SSUH2: variants seen among roughly 807,000 people sequenced by gnomAD.
SSUH2 encodes protein SSUH2 homolog.
A neutral mutation model predicts 55.3 loss-of-function variants in SSUH2; 47 were observed. That is an observed-to-expected ratio of 0.85 (90% CI 0.67 to 1.08). The LOEUF is 1.08. Among genes scored for constraint, SSUH2 ranks in the 50% least tolerant of loss-of-function variants. SSUH2 has a pLI of 0.00. For synonymous variants in SSUH2, 212 were observed against 191.5 expected, an observed-to-expected ratio of 1.11 and a Z score of -0.89; for missense variants, 535 against 490.7, an observed-to-expected ratio of 1.09 and a Z score of -0.85.
Position 8,623,654 on chromosome 3 carries a change from C to T in SSUH2, c.876G>A (p.Val292=). Residue 292 remains valine, a splice_region_variant and synonymous_variant, in exon 11 of 12, where the codon GTG becomes GTA. Transcript: ENST00000544814. ...ENLFKDENSV[V]YPIVDFPLRD... ...GCAGAGGGAAGTCCACGATGGGGTA[C>T]ACCTGGGGGAAAGAGAGAGAGACAC... is the stretch of plus-strand genomic sequence containing the variant. 2 of 1,500,532 alleles carry T rather than the reference C, an allele frequency of 1.3e-6. No individual in the cohort carries two copies. Among genetic ancestry groups the T allele is most frequent in the African/African-American group, 1.4e-5 (1 of 71,964 alleles). 93.0% of individuals were successfully genotyped at this position (1,500,532 alleles called of 1,614,324 possible).
chr3:8,654,218 G>C (rs1702713341), intron 7 of SSUH2, among the ~76,000 whole-genome samples: 1 of 152,124 alleles, frequency 6.6e-6, no homozygotes, highest in Non-Finnish European at 1.5e-5. Flanking sequence ...TCTTAGAAAG[G>C]CACTAATTCC....
chr3:8,680,908 A>G (rs1355948137), intron 1 of SSUH2, among the ~76,000 whole-genome samples: 1 of 152,006 alleles, frequency 6.6e-6, no homozygotes, highest in Non-Finnish European at 1.5e-5. Flanking sequence ...GATATTAATA[A>G]CAATTTGACA....
At chr3:8,679,524 GTA>G (rs1365898279) in intron 2 of SSUH2, among the ~76,000 whole-genome samples, 31 of 145,704 alleles carry the variant, frequency 2.1e-4, no homozygotes, top group African/African-American at 4.6e-4. Flanking sequence ...CTCATCGCAG[GTA>G]GGGGAGGCAC....
Position 8,678,083 on chromosome 3 carries a change from G to A in SSUH2, c.-900-730C>T, listed in dbSNP as rs566488413. Among the ~76,000 whole-genome samples the A allele has an allele frequency of 2.6e-5, 4 of 152,148 alleles. 1 individual carries two copies. Among genetic ancestry groups the A allele is most frequent in the East Asian group, 3.9e-4 (2 of 5,164 alleles). Reference sequence around the variant, plus strand: ...AATTAGAAACAATATCAGTGAGGGCGTGTCCACCTTCTGTCATATTGAAAG... The same window carrying A: ...AATTAGAAACAATATCAGTGAGGGCATGTCCACCTTCTGTCATATTGAAAG... On this transcript the variant is annotated intron_variant, in intron 2 of 18. Coordinates refer to the SSUH2 transcript ENST00000317371.
chr3:8,673,463 T>C (rs1220841665), intron 3 of SSUH2, among the ~76,000 whole-genome samples: 1 of 151,972 alleles, frequency 6.6e-6, no homozygotes, highest in East Asian at 1.9e-4. Context: ...TGGAGAGGCA[T>C]GTTTTTGTGT....
At chr3:8,628,401 C>T (rs1347398338) in intron 7 of SSUH2, among the ~76,000 whole-genome samples, 1 of 152,126 alleles carries the variant, frequency 6.6e-6, no homozygotes, top group Non-Finnish European at 1.5e-5. Context: ...TGTTAATAGG[C>T]CTGAATGAAG....
Position 8,635,775 on chromosome 3 carries a change from C to T in SSUH2, c.111G>A (p.Trp37Ter). Residue 37 changes from tryptophan to a stop codon, truncating the protein, a stop_gained, in exon 2 of 12, where the codon TGG becomes TGA. Transcript: ENST00000544814. LOFTEE classifies it high-confidence loss of function. ...GGAACTTACTGCCCCCTTGAAGAAG[C>T]CAGTCATAGCTGGGCAGTCTCTCCA... is the stretch of plus-strand genomic sequence containing the variant. ...ELLERLPSYD[W>*]LLQGGRGQIF... The T allele has an allele frequency of 6.5e-7, 1 of 1,535,658 alleles. No individual in the cohort carries two copies. Among genetic ancestry groups the T allele is most frequent in the Non-Finnish European group, 8.7e-7 (1 of 1,146,698 alleles).
rs144963698 is a variant in SSUH2 at position 8,672,823 on chromosome 3, C to T, written c.-752-788G>A. ...GAGGAGGAATATCACCAGGTGGATG[C>T]ACACCCACTGCTATCTTGGGAGTAA... is the stretch of plus-strand genomic sequence containing the variant. On this transcript the variant is annotated intron_variant, in intron 3 of 18. Transcript: ENST00000317371. Among the ~76,000 whole-genome samples the T allele has an allele frequency of 1.6e-3, 243 of 152,220 alleles. 3 individuals are homozygous for T. The highest frequency in any genetic ancestry group is 6.8e-3 in the Middle Eastern group (2 of 294).
At chr3:8,666,384 G>A (rs745817075) in intron 5 of SSUH2, among the ~76,000 whole-genome samples, 16 of 152,118 alleles carry the variant, frequency 1.1e-4, no homozygotes, top group Non-Finnish European at 2.2e-4. Context: ...TATCTGCTAA[G>A]TACACCAAGT....
intron 10 of SSUH2, among the ~76,000 whole-genome samples, chr3:8,624,455 T>G (rs1697107116): frequency 6.6e-6 from 1 of 152,126 alleles, no homozygotes; most frequent in African/African-American, 2.4e-5. Flanking sequence ...GTGCAGGGCT[T>G]CTGGTGGGGG....
In SSUH2 at chr3:8,632,115, A is replaced by G; in HGVS notation, c.340-6T>C. ...CTAAAGGTCTCCAGACGGTACTAAA[A>G]GGAAAAAAACAGCATGTTCACACTC... is the stretch of plus-strand genomic sequence containing the variant. On this transcript the variant is annotated splice_polypyrimidine_tract_variant and splice_region_variant and intron_variant, in intron 4 of 11. Coordinates refer to ENST00000544814, the MANE Select transcript of SSUH2 (RefSeq NM_001256748.3). 6.2e-7 allele frequency: 1 copy of G among 1,613,642 alleles called. No homozygotes were observed. The highest frequency in any genetic ancestry group is 1.7e-5 in the Admixed American group (1 of 60,010).
At chr3:8,625,488 G>T in intron 10 of SSUH2, 54 bp downstream of exon 10, 1 of 1,140,560 alleles carries the variant, frequency 8.8e-7, no homozygotes, top group South Asian at 1.3e-5. Flanking sequence ...CCAGGCCCAC[G>T]AGAGCAGAGG....
At chr3:8,668,567 G>A (rs1181002152) in intron 5 of SSUH2, among the ~76,000 whole-genome samples, 1 of 152,186 alleles carries the variant, frequency 6.6e-6, no homozygotes, top group Non-Finnish European at 1.5e-5. Context: ...CTTAAGGGGT[G>A]CTCTCCAGGG....
intron 5 of SSUH2, among the ~76,000 whole-genome samples, chr3:8,664,817 A>G (rs1703838729): frequency 6.6e-6 from 1 of 152,236 alleles, no homozygotes; most frequent in Non-Finnish European, 1.5e-5. Context: ...ATTAAGGCAT[A>G]CAGAAGACAA....
chr3:8,665,461 G>A (rs164953), intron 5 of SSUH2, among the ~76,000 whole-genome samples: 9,465 of 152,200 alleles, frequency 0.062, 363 homozygotes, highest in East Asian at 0.16. Flanking sequence ...GTTTGGACCC[G>A]AAACTCAAAA....
At position 8,625,590 on chromosome 3, in the gene SSUH2, G is replaced by A; in HGVS notation, c.825C>T (p.Leu275=). The A allele has an allele frequency of 6.2e-7, 1 of 1,613,998 alleles. No homozygotes were observed. The change falls in exon 10 of 12, where the codon CTC becomes CTT. Residue 275 remains leucine (L), a synonymous_variant. Coordinates refer to ENST00000544814, the MANE Select transcript of SSUH2 (RefSeq NM_001256748.3). ...SEHRLNCPRE[L]LAKAKGENLF... ...GGTTTTCTCCTTTGGCTTTAGCAAGGAGCTCCCTGGGGCAGTTGAGCCGGT... is the reference window on the plus strand; with the variant it reads ...GGTTTTCTCCTTTGGCTTTAGCAAGAAGCTCCCTGGGGCAGTTGAGCCGGT...
At chr3:8,670,671 G>T (rs986673540) in intron 5 of SSUH2, among the ~76,000 whole-genome samples, 1 of 151,440 alleles carries the variant, frequency 6.6e-6, no homozygotes, top group Non-Finnish European at 1.5e-5. Flanking sequence ...ATATCAGAGG[G>T]TGTACATGCA....
chr3:8,643,406 T>C (rs1701187591), intron 1 of SSUH2, among the ~76,000 whole-genome samples: 1 of 152,308 alleles, frequency 6.6e-6, no homozygotes, highest in East Asian at 1.9e-4. Context: ...AACAGTGTTT[T>C]GAAGAAAAAA....
intron 1 of SSUH2, among the ~76,000 whole-genome samples, chr3:8,641,092 A>C (rs1559419151): frequency 6.6e-6 from 1 of 152,108 alleles, no homozygotes; most frequent in African/African-American, 2.4e-5. Context: ...CAGCGGCACC[A>C]CTGGGCACCC....
Sources: allele counts gnomAD v4.1 joint callset (sites outside exome capture counted in the v4.1 genomes callset), GRCh38; gene constraint gnomAD v4.1.1; transcripts MANE v1.5; gene names NCBI Gene and HGNC (gene_info 2026-07-23, HGNC 2026-07-21).